Variants in ADAMTS17 observed in about 807,000 individuals in gnomAD.
ADAMTS17 encodes ADAM metallopeptidase with thrombospondin type 1 motif 17, also known as A disintegrin and metalloproteinase with thrombospondin motifs 17.
Under a neutral mutation model 141.5 loss-of-function variants are expected in ADAMTS17, and 113 were observed. The ratio of observed to expected loss-of-function variants is 0.80; its 90% CI spans 0.69 to 0.93. The LOEUF (loss-of-function observed/expected upper bound fraction) is 0.93. Ranked by LOEUF, ADAMTS17 falls within the 40% of genes least tolerant of loss-of-function variation. ADAMTS17 has a pLI of 0.00. For missense variants in ADAMTS17, 1,659 were observed against 1,517.9 expected, an observed-to-expected ratio of 1.09 and a Z score of -1.54; for synonymous variants, 768 against 630.6, an observed-to-expected ratio of 1.22 and a Z score of -3.27.
At chr15:100,121,354 T>C (rs1024101686) in intron 12 of ADAMTS17, among the ~76,000 whole-genome samples, 10 of 151,988 alleles carry the variant, frequency 6.6e-5, no homozygotes, top group African/African-American at 2.2e-4. Flanking sequence ...TCCAAGAAGC[T>C]CGAGAAATTC....
chr15:100,203,907 A>G (rs1244176494), intron 7 of ADAMTS17, among the ~76,000 whole-genome samples: 1 of 151,998 alleles, frequency 6.6e-6, no homozygotes, highest in Non-Finnish European at 1.5e-5. Context: ...CAAAAAAAAA[A>G]AAAGAAGGGG....
At chr15:100,097,171 T>C (rs980859659) in intron 14 of ADAMTS17, among the ~76,000 whole-genome samples, 9 of 152,230 alleles carry the variant, frequency 5.9e-5, no homozygotes, top group African/African-American at 2.2e-4. Flanking sequence ...TTTTTTTCTT[T>C]TTTAAAAAAG....
intron 20 of ADAMTS17, among the ~76,000 whole-genome samples, chr15:99,977,323 T>C (rs1467821008): frequency 7.9e-6 from 1 of 126,670 alleles, no homozygotes; most frequent in Non-Finnish European, 1.6e-5. Context: ...TAAGACTTCG[T>C]GGTTCTGTTC....
At chr15:100,054,185 G>A (rs2032374338) in intron 15 of ADAMTS17, 131 bp from the exon 16 acceptor site, 2 of 1,027,944 alleles carry the variant, frequency 1.9e-6, no homozygotes, top group Non-Finnish European at 3.0e-6. Flanking sequence ...AGGGAGGCCT[G>A]AAGCGAGAGA....
chr15:100,246,869 T>TTATG (rs1163640505), intron 7 of ADAMTS17, among the ~76,000 whole-genome samples: 2 of 127,606 alleles, frequency 1.6e-5, no homozygotes, highest in African/African-American at 8.4e-5. Context: ...CCTTTTATTT[T>TTATG]TATTTATTTA....
intron 7 of ADAMTS17, among the ~76,000 whole-genome samples, chr15:100,249,633 G>A (rs1181934528): frequency 6.6e-6 from 1 of 152,206 alleles, no homozygotes; most frequent in Non-Finnish European, 1.5e-5. Flanking sequence ...TGCTGCCTGT[G>A]TTCCAAGCCA....
At chr15:100,012,716 G>A (rs2061211075) in intron 18 of ADAMTS17, among the ~76,000 whole-genome samples, 1 of 152,126 alleles carries the variant, frequency 6.6e-6, no homozygotes, top group Non-Finnish European at 1.5e-5. Context: ...TTTATTCTGG[G>A]TTCTCTATTC....
intron 7 of ADAMTS17, among the ~76,000 whole-genome samples, chr15:100,213,241 A>T (rs527299748): frequency 6.6e-6 from 1 of 152,336 alleles, no homozygotes; most frequent in African/African-American, 2.4e-5. Context: ...GGCACAGCAG[A>T]GTATATGCTT....
At position 99,972,548 on chromosome 15, in the gene ADAMTS17, C is replaced by G. The variant is rs533490343; in HGVS notation, c.*1854G>C. ...GAAGAAAATTGAACCTCAGCGCCCC[C>G]AAAATTTTGAGGGCTTTGTGAAAAT... On this transcript the variant is annotated 3_prime_UTR_variant, in exon 22 of 22. Coordinates refer to ENST00000268070, the MANE Select transcript of ADAMTS17 (RefSeq NM_139057.4). 1 of 152,156 alleles carries G rather than the reference C, an allele frequency of 6.6e-6. No homozygotes were observed. The highest frequency in any genetic ancestry group is 2.4e-5 in the African/African-American group (1 of 41,540). The allele number at this position is 152,156 out of a possible 1,614,324, so 9.4% of individuals were successfully genotyped here.
chr15:100,060,201 AAGTCTTAAATCACT>A (rs2033006939), intron 15 of ADAMTS17, among the ~76,000 whole-genome samples: 1 of 152,182 alleles, frequency 6.6e-6, no homozygotes, highest in Non-Finnish European at 1.5e-5. Flanking sequence ...CAGAGATTGG[AAGTCTTAAATCACT>A]ACCCAAAACA....
At chr15:100,214,697 G>A (rs1030033055) in intron 7 of ADAMTS17, among the ~76,000 whole-genome samples, 1 of 152,190 alleles carries the variant, frequency 6.6e-6, no homozygotes, top group South Asian at 2.1e-4. Context: ...GGAAATCACA[G>A]AATGTTCTAG....
intron 15 of ADAMTS17, among the ~76,000 whole-genome samples, chr15:100,065,560 C>T (rs375271797): frequency 6.6e-6 from 1 of 152,126 alleles, no homozygotes; most frequent in Non-Finnish European, 1.5e-5. Flanking sequence ...TTGCAATTTA[C>T]AAAACCACAT....
chr15:100,053,984 A>T lies in ADAMTS17; in HGVS notation c.2208T>A (p.Ile736=). The change falls in exon 16 of 22, where the codon ATT becomes ATA. Residue 736 remains isoleucine, a synonymous_variant. Transcript: ENST00000268070. ...TCACATAGCGAACAGTTGTGCCTGC[A>T]ATCTGGAACTCTCCGGGGAGCTCTA... ...WKIELPGEFQ[I]AGTTVRYVRR... The T allele has an allele frequency of 6.2e-7, 1 of 1,614,148 alleles. No homozygotes were observed. Among genetic ancestry groups the T allele is most frequent in the Non-Finnish European group, 8.5e-7 (1 of 1,180,030 alleles).
chr15:100,321,830 T>TA (rs1477755214), intron 3 of ADAMTS17, among the ~76,000 whole-genome samples: 1 of 152,326 alleles, frequency 6.6e-6, no homozygotes, highest in East Asian at 1.9e-4. Flanking sequence ...GACATCACAC[T>TA]AACTTCAGTA....
chr15:99,983,628 T>C (rs2060524929), intron 20 of ADAMTS17, among the ~76,000 whole-genome samples: 2 of 152,146 alleles, frequency 1.3e-5, no homozygotes, highest in African/African-American at 2.4e-5. Context: ...TATACACGCC[T>C]GGGCTCTGCT....
intron 16 of ADAMTS17, 66 bp from the exon 17 acceptor site, chr15:100,051,797 TGCACACACAG>T: frequency 6.3e-7 from 1 of 1,596,502 alleles, no homozygotes; most frequent in African/African-American, 1.3e-5. Flanking sequence ...ATGCCGAATC[TGCACACACAG>T]GCACACTGCG....
At chr15:100,212,897 GAC>G (rs1430819296) in intron 7 of ADAMTS17, among the ~76,000 whole-genome samples, 1 of 152,056 alleles carries the variant, frequency 6.6e-6, no homozygotes, top group Non-Finnish European at 1.5e-5. Flanking sequence ...TGCATAGGGT[GAC>G]GCGTACCTTT....
intron 20 of ADAMTS17, among the ~76,000 whole-genome samples, chr15:99,991,625 G>A (rs2060691479): frequency 1.3e-5 from 2 of 152,162 alleles, no homozygotes; most frequent in Admixed American, 6.5e-5. Flanking sequence ...GATTCCTCAA[G>A]GATCTAGAAC....
intron 4 of ADAMTS17, among the ~76,000 whole-genome samples, chr15:100,270,621 G>C (rs1023445517): frequency 1.3e-5 from 2 of 151,258 alleles, no homozygotes; most frequent in East Asian, 2.0e-4. Context: ...AAATATTTCT[G>C]GATCATCTCC....
Sources: allele counts gnomAD v4.1 joint callset (sites outside exome capture counted in the v4.1 genomes callset), GRCh38; gene constraint gnomAD v4.1.1; transcripts MANE v1.5; gene names NCBI Gene and HGNC (gene_info 2026-07-23, HGNC 2026-07-21).